FBXO28: variants seen among roughly 807,000 people sequenced by gnomAD.
FBXO28 encodes the protein F-box only protein 28.
A neutral mutation model predicts 38.1 loss-of-function variants in FBXO28; 8 were observed. That is an observed-to-expected ratio of 0.21 (90% confidence interval 0.12 to 0.38). The LOEUF (loss-of-function observed/expected upper bound fraction) is 0.38, where lower values mean the gene tolerates loss of function less well. FBXO28 is among the 10% of genes least tolerant of loss of function. The pLI is 1.00. For missense variants in FBXO28, 345 were observed against 460.6 expected (o/e 0.75, Z 2.30); for synonymous variants, 168 against 173.8 (o/e 0.97, Z 0.26).
At position 224,114,258 on chromosome 1, in the gene FBXO28, G is replaced by T. The variant is rs375437126; in HGVS notation, c.129G>T (p.Pro43=). 3.2e-5 allele frequency: 50 copies of T among 1,554,874 alleles called. No individual in the cohort carries two copies. In the African/African-American group the frequency reaches 6.4e-4, roughly 20 times the overall value. Residue 43 remains proline (P), a synonymous_variant, in exon 1 of 5, where the codon CCG becomes CCT. Transcript: ENST00000366862. ...PPPPAPQHPQ[P]GSQALPAPAL... is the part of the protein sequence containing the mutation. ...CGCCCGCGCCACAGCACCCGCAGCC[G>T]GGGTCCCAGGCGCTCCCAGCCCCCG...
intron 3 of FBXO28, among the ~76,000 whole-genome samples, chr1:224,148,674 A>G (rs1657569638): frequency 6.6e-6 from 1 of 150,864 alleles, no homozygotes; most frequent in African/African-American, 2.5e-5. Flanking sequence ...AAAAAGAAAA[A>G]AAAAAAGAAA....
intron 1 of FBXO28, among the ~76,000 whole-genome samples, chr1:224,121,915 A>C (rs1656787942): frequency 6.6e-6 from 1 of 152,008 alleles, no homozygotes; most frequent in Admixed American, 6.6e-5. Flanking sequence ...AGCTGGGATT[A>C]CAGGCCTGCA....
rs866671681 is a variant in FBXO28, at chr1:224,115,170, A to G, written c.267+774A>G. ...TTTCTTTATACCTTAAAATCACAAT[A>G]GGTCAGTCCATGATTTTTAAAAATA... On this transcript the variant is annotated intron_variant, in intron 1 of 4. Transcript: ENST00000366862. Among the ~76,000 whole-genome samples the G allele has an allele frequency of 7.2e-5, 11 of 152,210 alleles. 1 individual carries two copies. Among genetic ancestry groups the G allele is most frequent in the South Asian group, 2.1e-4 (1 of 4,836 alleles).
At chr1:224,119,126 C>CT (rs1246875517) in intron 1 of FBXO28, among the ~76,000 whole-genome samples, 2 of 56,542 alleles carry the variant, frequency 3.5e-5, no homozygotes, top group Admixed American at 2.8e-4. Flanking sequence ...CTGATTTTTT[C>CT]TTTTTTTTCT....
intron 1 of FBXO28, among the ~76,000 whole-genome samples, chr1:224,129,560 T>C (rs2102616045): frequency 6.6e-6 from 1 of 152,346 alleles, no homozygotes; most frequent in African/African-American, 2.4e-5. Context: ...AAATGTATTG[T>C]TTTACTGATC....
chr1:224,114,630 TGGG>T (rs1443279537), intron 1 of FBXO28, among the ~76,000 whole-genome samples: 1 of 75,472 alleles, frequency 1.3e-5, no homozygotes, highest in African/African-American at 4.8e-5. Flanking sequence ...GACTTCGCCT[TGGG>T]GGCTCCTTGC....
chr1:224,153,106 AAAATC>A, intron 3 of FBXO28, 31 bp from the exon 4 acceptor site: 1 of 1,543,252 alleles, frequency 6.5e-7, no homozygotes, highest in Non-Finnish European at 8.7e-7. Context: ...TTAAAAAAGA[AAAATC>A]TAAAGTGCTA....
At position 224,157,371 on chromosome 1, in the gene FBXO28, C is replaced by T. The variant is rs562189685; in HGVS notation, c.732C>T (p.Ala244=). The T allele has an allele frequency of 6.2e-7, 1 of 1,611,858 alleles. No individual in the cohort carries two copies. Among genetic ancestry groups the T allele is most frequent in the Admixed American group, 1.7e-5 (1 of 59,600 alleles). ...CCACAGTTCCAGGACCGTCTGCAGC[C>T]CTAACAACAATGCAGCTCTTCTCCA... ...GSPPVPGPSA[A]LTTMQLFSKQ... is the part of the protein sequence containing the mutation. The change falls in exon 5 of 5, where the codon GCC becomes GCT. Residue 244 remains alanine, a synonymous_variant. Coordinates refer to ENST00000366862, the MANE Select transcript of FBXO28 (RefSeq NM_015176.4).
rs769947225 is a variant in FBXO28, at chr1:224,134,108, C to T, written c.412C>T (p.Arg138Cys). The T allele has an allele frequency of 1.9e-6, 3 of 1,599,806 alleles. No homozygotes were observed. The highest frequency in any genetic ancestry group is 2.6e-6 in the Non-Finnish European group (3 of 1,173,730). The change falls in exon 3 of 5, where the codon CGT (arginine) becomes TGT (cysteine). Residue 138 changes from arginine (R) to cysteine (C), a missense_variant. This residue lies in a region of FBXO28 where 56 missense variants were observed against 99.8 expected (regional missense o/e 0.56). Coordinates refer to ENST00000366862, the MANE Select transcript of FBXO28 (RefSeq NM_015176.4). ...AGAAAGGAGAAACCATTCATTAGCT[C>T]GTCATGCAGACATTCTTGCTGCTGT... ...ESERRNHSLA[R>C]HADILAAVET...
chr1:224,126,712 A>T (rs1043731772), intron 1 of FBXO28, among the ~76,000 whole-genome samples: 2 of 152,194 alleles, frequency 1.3e-5, no homozygotes, highest in Admixed American at 1.3e-4. Context: ...TGGGAGGCTG[A>T]GGCAGGAGAA....
intron 3 of FBXO28, among the ~76,000 whole-genome samples, chr1:224,142,216 G>C (rs1052008227): frequency 1.7e-4 from 26 of 151,868 alleles, no homozygotes; most frequent in Admixed American, 1.3e-4. Flanking sequence ...GCCAGGCGTG[G>C]TGGCGTGCAC....
intron 3 of FBXO28, among the ~76,000 whole-genome samples, chr1:224,146,701 AATTTTT>A (rs1163355881): frequency 3.9e-5 from 3 of 76,978 alleles, no homozygotes; most frequent in Admixed American, 2.2e-4. Flanking sequence ...ATAAAACTAA[AATTTTT>A]TTTTTTTTTT....
chr1:224,136,571 A>G (rs1359693024), intron 3 of FBXO28, among the ~76,000 whole-genome samples: 1 of 150,064 alleles, frequency 6.7e-6, no homozygotes, highest in Non-Finnish European at 1.5e-5. Context: ...AAAATACAAA[A>G]AAAAAAACTA....
At chr1:224,129,351 T>G (rs1428105555) in intron 1 of FBXO28, among the ~76,000 whole-genome samples, 1 of 152,088 alleles carries the variant, frequency 6.6e-6, no homozygotes, top group African/African-American at 2.4e-5. Context: ...AAAAAGATAT[T>G]TTGGAGGATA....
chr1:224,153,374 T>G (rs1416364564), intron 4 of FBXO28, 37 bp downstream of exon 4: 5 of 1,475,352 alleles, frequency 3.4e-6, no homozygotes, highest in Non-Finnish European at 4.5e-6. Context: ...TACATAATTT[T>G]GTAACTTGCT....
At chr1:224,118,285 A>G (rs1378700422) in intron 1 of FBXO28, among the ~76,000 whole-genome samples, 1 of 83,308 alleles carries the variant, frequency 1.2e-5, no homozygotes, top group Non-Finnish European at 2.6e-5. Context: ...ATTTATTTAA[A>G]GTACAATATA....
intron 1 of FBXO28, among the ~76,000 whole-genome samples, chr1:224,119,971 A>G (rs574650714): frequency 1.3e-5 from 2 of 152,202 alleles, no homozygotes; most frequent in African/African-American, 4.8e-5. Context: ...CAGGGCTGAC[A>G]TCTTTTGGTG....
rs967367375 is a variant in FBXO28, at chr1:224,161,738, T to C, written c.*3992T>C. 2 of 152,230 alleles carry C rather than the reference T, an allele frequency of 1.3e-5. No individual in the cohort carries two copies. The highest frequency in any genetic ancestry group is 2.9e-5 in the Non-Finnish European group (2 of 68,038). 9.4% of individuals were successfully genotyped at this position (152,230 alleles called of 1,614,324 possible). ...AAGCATCTTGGTTAAATTTCTGAAG[T>C]TTAAAAATTAGATCCAGATTTCTTC... On this transcript the variant is annotated 3_prime_UTR_variant, in exon 5 of 5. Coordinates refer to ENST00000366862, the MANE Select transcript of FBXO28 (RefSeq NM_015176.4).
At chr1:224,152,925 C>CAAAAAAAAAAAAAAAAAAA (rs57616453) in intron 3 of FBXO28, among the ~76,000 whole-genome samples, 1 of 64,890 alleles carries the variant, frequency 1.5e-5, no homozygotes, top group African/African-American at 6.5e-5. Context: ...AACTCTGTCT[C>CAAAAAAAAAAAAAAAAAAA]AAAAAAAAAA....
Sources: gnomAD v4.1 joint callset for allele counts (sites outside exome capture counted in the v4.1 genomes callset) on GRCh38, gnomAD v4.1.1 for gene constraint, gnomAD v4.1.1 regional missense constraint, MANE v1.5 for transcripts, NCBI Gene and HGNC (gene_info 2026-07-23, HGNC 2026-07-21) for gene names.